The following LRRC37A2 variants were observed in gnomAD, a reference collection of about 807,000 sequenced individuals.
LRRC37A2 encodes leucine-rich repeat-containing protein 37A2.
LRRC37A2 carries 9 observed loss-of-function variants against 68.8 expected under a neutral mutation model. The ratio of observed to expected loss-of-function variants is 0.13; its 90% confidence interval spans 0.08 to 0.23. LRRC37A2 has a LOEUF of 0.23. Ranked by LOEUF, LRRC37A2 falls within the 10% of genes least tolerant of loss-of-function variation. The probability of loss-of-function intolerance (pLI) is 1.00; values close to 1 mark genes in which losing one functional copy is unlikely to be tolerated. For missense variants in LRRC37A2, 168 were observed against 950.4 expected (o/e 0.18, Z 10.82); for synonymous variants, 63 against 367.6 (o/e 0.17, Z 9.48).
the LRRC37A2 span, among the ~76,000 whole-genome samples, chr17:47,029,330 A>G: frequency 2.0e-5 from 3 of 152,132 alleles, no homozygotes; most frequent in African/African-American, 7.2e-5. Flanking sequence ...TTAATTCCAT[A>G]TACTTTCCTG....
chr17:46,529,169 C>G (rs961931890), intron 6 of LRRC37A2, among the ~76,000 whole-genome samples: 1 of 137,354 alleles, frequency 7.3e-6, no homozygotes, highest in African/African-American at 2.7e-5. Context: ...GCTCATCTAT[C>G]TGGACCTGTA....
the LRRC37A2 span, among the ~76,000 whole-genome samples, chr17:46,819,400 T>C: frequency 6.6e-6 from 1 of 151,994 alleles, no homozygotes; most frequent in Non-Finnish European, 1.5e-5. The surrounding 1 kb of genome is among the most constrained non-coding windows in gnomAD (Gnocchi z 5.3). Context: ...CCTGCTGCCT[T>C]TGCATTTCCT....
At chr17:46,799,466 G>A in the LRRC37A2 span, among the ~76,000 whole-genome samples, 15 of 110,290 alleles carry the variant, frequency 1.4e-4, no homozygotes, top group African/African-American at 5.0e-4. Context: ...TTTTTTTTTC[G>A]AGATGGAGTC....
At chr17:47,015,379 G>C in the LRRC37A2 span, among the ~76,000 whole-genome samples, 7 of 152,274 alleles carry the variant, frequency 4.6e-5, no homozygotes, top group Non-Finnish European at 1.0e-4. Flanking sequence ...ACCTGCCATT[G>C]TGTGACAGTT....
chr17:46,778,997 C>T, the LRRC37A2 span, among the ~76,000 whole-genome samples: 4 of 149,114 alleles, frequency 2.7e-5, no homozygotes, highest in African/African-American at 1.0e-4. Context: ...GTCTCAGTCT[C>T]CAAGAAGAGA....
chr17:46,794,709 C>T, the LRRC37A2 span, among the ~76,000 whole-genome samples: 8 of 151,978 alleles, frequency 5.3e-5, no homozygotes, highest in Non-Finnish European at 1.2e-4. Flanking sequence ...GACCTCCTTC[C>T]ACCAGCTTCC....
At chr17:46,995,740 A>C in the LRRC37A2 span, among the ~76,000 whole-genome samples, 1 of 152,210 alleles carries the variant, frequency 6.6e-6, no homozygotes, top group African/African-American at 2.4e-5. Context: ...TAAACATGAG[A>C]GAGAAACTGA....
At chr17:47,006,065 G>A in the LRRC37A2 span, among the ~76,000 whole-genome samples, 1 of 152,066 alleles carries the variant, frequency 6.6e-6, no homozygotes, top group South Asian at 2.1e-4. Flanking sequence ...CCAGCTACTT[G>A]GGAGCCTGAG....
the LRRC37A2 span, among the ~76,000 whole-genome samples, chr17:46,428,763 T>TA: frequency 2.0e-4 from 7 of 34,286 alleles, no homozygotes; most frequent in Non-Finnish European, 1.6e-4. Context: ...CTGTCTCTAC[T>TA]AAAAACAGAA....
chr17:46,491,286 CTTTAA>C, the LRRC37A2 span, among the ~76,000 whole-genome samples: 1 of 150,630 alleles, frequency 6.6e-6, no homozygotes, highest in East Asian at 1.9e-4. Flanking sequence ...CTTATTTAAT[CTTTAA>C]TTTGTCTATG....
chr17:46,750,045 TA>T, the LRRC37A2 span: 2 of 938,736 alleles, frequency 2.1e-6, no homozygotes, highest in South Asian at 2.1e-5. Context: ...AGGTTGTATA[TA>T]CCTTATCCAA....
At chr17:46,935,326 G>C in the LRRC37A2 span, 1 of 1,496,026 alleles carries the variant, frequency 6.7e-7, no homozygotes, top group Non-Finnish European at 8.9e-7. Flanking sequence ...TGTTGGAGTT[G>C]AGTTATTGTG....
At chr17:46,881,761 A>G in the LRRC37A2 span, among the ~76,000 whole-genome samples, 6 of 152,224 alleles carry the variant, frequency 3.9e-5, no homozygotes, top group South Asian at 1.2e-3. Flanking sequence ...CTTTAAAAAC[A>G]GCCACATGTG....
the LRRC37A2 span, among the ~76,000 whole-genome samples, chr17:47,004,235 C>T: frequency 1.1e-3 from 170 of 152,306 alleles, 1 homozygote; most frequent in South Asian, 3.1e-3. Flanking sequence ...GGTATATACC[C>T]AGTAATGGGA....
At chr17:46,982,043 C>T in the LRRC37A2 span, among the ~76,000 whole-genome samples, 2 of 152,102 alleles carry the variant, frequency 1.3e-5, no homozygotes, top group Non-Finnish European at 2.9e-5. Context: ...CACACATAGG[C>T]ACCCCAGATT....
the LRRC37A2 span, among the ~76,000 whole-genome samples, chr17:46,945,757 G>A: frequency 1.3e-5 from 2 of 152,170 alleles, no homozygotes; most frequent in Non-Finnish European, 2.9e-5. Flanking sequence ...AGGGACTGAG[G>A]CAGAAGCTCA....
At chr17:46,903,281 CAAAA>C in the LRRC37A2 span, among the ~76,000 whole-genome samples, 1 of 144,956 alleles carries the variant, frequency 6.9e-6, no homozygotes, top group African/African-American at 2.5e-5. Flanking sequence ...GACTCTGTCT[CAAAA>C]AAAAAAAAAA....
At chr17:46,754,156 T>TC in the LRRC37A2 span, among the ~76,000 whole-genome samples, 3 of 151,180 alleles carry the variant, frequency 2.0e-5, no homozygotes, top group South Asian at 6.3e-4. Flanking sequence ...GTTCTTTTTT[T>TC]TTTTTTTTTT....
At chr17:46,750,685 A>G in the LRRC37A2 span, among the ~76,000 whole-genome samples, 26 of 152,344 alleles carry the variant, frequency 1.7e-4, no homozygotes, top group African/African-American at 5.5e-4. Flanking sequence ...TGTATCCAGC[A>G]TGAGTGATGT....
Sources: allele counts gnomAD v4.1 joint callset (sites outside exome capture counted in the v4.1 genomes callset), GRCh38; gene constraint gnomAD v4.1.1; non-coding constraint Gnocchi (gnomAD v3.1); transcripts MANE v1.5; gene names NCBI Gene and HGNC (gene_info 2026-07-23, HGNC 2026-07-21).